Variants in ZNF718 observed in about 807,000 individuals in gnomAD.
The protein encoded by ZNF718 is zinc finger protein 718.
In ZNF718, 3 loss-of-function variants were observed where a neutral mutation model predicts 2.6. That is an observed-to-expected ratio of 1.16 (90% CI 0.53 to 3.01). The LOEUF (loss-of-function observed/expected upper bound fraction) is 3.01, where lower values mean the gene tolerates loss of function less well. ZNF718 is among the 30% of genes most tolerant of loss of function. The pLI is 0.03. For missense variants in ZNF718, 468 were observed against 230.0 expected, an observed-to-expected ratio of 2.03 and a Z score of -6.69; for synonymous variants, 135 against 77.9, an observed-to-expected ratio of 1.73 and a Z score of -3.86.
chr4:184,605 A>T (rs1717528280), intron 3 of ZNF718, among the ~76,000 whole-genome samples: 1 of 151,954 alleles, frequency 6.6e-6, no homozygotes, highest in Non-Finnish European at 1.5e-5. Context: ...TCTTCTTTGT[A>T]CCTCTGGTAG....
At chr4:133,979 A>G (rs1715443291) in intron 3 of ZNF718, among the ~76,000 whole-genome samples, 2 of 152,212 alleles carry the variant, frequency 1.3e-5, no homozygotes, top group Admixed American at 6.5e-5. Context: ...CAGTATTACT[A>G]ACTATAAATA....
At chr4:193,094 C>T (rs1205891601) in intron 3 of ZNF718, among the ~76,000 whole-genome samples, 2 of 152,108 alleles carry the variant, frequency 1.3e-5, no homozygotes, top group Non-Finnish European at 2.9e-5. Flanking sequence ...TGTGAGGTTC[C>T]CCATTCTATT....
intron 3 of ZNF718, chr4:142,092 A>T: frequency 1.9e-6 from 1 of 519,432 alleles, no homozygotes; most frequent in South Asian, 1.4e-5. Flanking sequence ...CTTTAGGTTA[A>T]CGGGTTTTGA....
intron 3 of ZNF718, among the ~76,000 whole-genome samples, chr4:184,298 G>A (rs782087796): frequency 1.8e-4 from 28 of 152,228 alleles, no homozygotes; most frequent in Non-Finnish European, 3.5e-4. Flanking sequence ...GTGTTTATGT[G>A]ATGAACCACA....
chr4:192,227 A>G (rs1553821343), intron 3 of ZNF718, among the ~76,000 whole-genome samples: 1 of 152,086 alleles, frequency 6.6e-6, no homozygotes. Context: ...TGCAGTTGCA[A>G]ATTTAATAGA....
chr4:150,792 A>G (rs1716281656), intron 3 of ZNF718, among the ~76,000 whole-genome samples: 2 of 152,202 alleles, frequency 1.3e-5, no homozygotes, highest in South Asian at 4.1e-4. Context: ...CTCCAGCAAT[A>G]GTGTTTAATT....
At chr4:150,994 G>A (rs1276255977) in intron 3 of ZNF718, among the ~76,000 whole-genome samples, 2 of 152,086 alleles carry the variant, frequency 1.3e-5, no homozygotes, top group Non-Finnish European at 2.9e-5. Flanking sequence ...ATGTTATCCT[G>A]TGATACTTTT....
intron 3 of ZNF718, among the ~76,000 whole-genome samples, chr4:184,586 G>A (rs1465728835): frequency 2.0e-5 from 3 of 152,206 alleles, no homozygotes; most frequent in South Asian, 2.1e-4. Context: ...CAGTAAGAAC[G>A]CTACCAGCTC....
chr4:173,901 C>T (rs143786928), intron 3 of ZNF718, among the ~76,000 whole-genome samples: 77 of 152,238 alleles, frequency 5.1e-4, no homozygotes, highest in East Asian at 3.9e-3. Context: ...AGAATGCAGC[C>T]GTGAATAGCC....
chr4:130,791 C>T lies in ZNF718; in HGVS notation c.7C>T (p.Leu3Phe). Residue 3 changes from leucine (L) to phenylalanine (F), a missense_variant, in exon 2 of 4, where the codon CTC becomes TTC. Transcript: ENST00000510175. ME[L>F]LTFKDVAIEF... The stretch of plus-strand genomic sequence containing the variant: ...CTTGATAAATGTGTATTTTCAGGAA[C>T]TCTTAACATTCAAGGATGTGGCCAT... 1 of 370,550 alleles carries T rather than the reference C, an allele frequency of 2.7e-6. No individual in the cohort carries two copies. Among genetic ancestry groups the T allele is most frequent in the Non-Finnish European group, 4.8e-6 (1 of 208,632 alleles). 23.0% of individuals were successfully genotyped at this position (370,550 alleles called of 1,614,324 possible). A position where few individuals can be genotyped will look rare whatever the true frequency, so the allele number is the denominator to read the frequency against.
At chr4:191,303 G>C (rs116070887) in intron 3 of ZNF718, among the ~76,000 whole-genome samples, 6,440 of 151,374 alleles carry the variant, frequency 0.043, 354 homozygotes, top group African/African-American at 0.13. Context: ...CACACACCAC[G>C]ACACCTGGCT....
intron 3 of ZNF718, among the ~76,000 whole-genome samples, chr4:197,570 A>G (rs1164480137): frequency 6.6e-6 from 1 of 152,128 alleles, no homozygotes; most frequent in Non-Finnish European, 1.5e-5. Context: ...CAAGGAAGAG[A>G]ATGATGCCTA....
rs368389374 is a variant in ZNF718, at chr4:161,900, A to T, written c.1215A>T (p.Lys405Asn). The change falls in exon 4 of 4, where the codon AAA becomes AAT. Residue 405 changes from lysine (K) to asparagine (N), a missense_variant. Coordinates refer to ENST00000510175, the MANE Select transcript of ZNF718 (RefSeq NM_001039127.6). Reference sequence around the variant, plus strand: ...GTGAAGATTGTGGCAAAGCCTTTAAAGTGTTTGCAAACCTGCATAATCATA... The same window carrying T: ...GTGAAGATTGTGGCAAAGCCTTTAATGTGTTTGCAAACCTGCATAATCATA... ...YKCEDCGKAF[K>N]VFANLHNHKK... The T allele has an allele frequency of 7.2e-5, 56 of 780,000 alleles. No homozygotes were observed. Among genetic ancestry groups the T allele is most frequent in the Middle Eastern group, 2.2e-4 (1 of 4,458 alleles). The allele number at this position is 780,000 out of a possible 1,614,324, so 48.3% of individuals were successfully genotyped here. A position where few individuals can be genotyped will look rare whatever the true frequency, so the allele number is the denominator to read the frequency against.
intron 3 of ZNF718, among the ~76,000 whole-genome samples, chr4:174,164 TC>T (rs782463822): frequency 1.3e-5 from 2 of 152,210 alleles, no homozygotes; most frequent in East Asian, 3.9e-4. Context: ...AGCTCATTCT[TC>T]CCCGAAGCTT....
downstream of ZNF718, among the ~76,000 whole-genome samples, chr4:166,297 C>G (rs1245630974): frequency 1.3e-5 from 2 of 152,166 alleles, no homozygotes; most frequent in African/African-American, 4.8e-5. Flanking sequence ...GTGAATAGTG[C>G]TGCGATAAAC....
chr4:141,831 A>C (rs1487733658), intron 3 of ZNF718, among the ~76,000 whole-genome samples: 1 of 152,226 alleles, frequency 6.6e-6, no homozygotes, highest in Non-Finnish European at 1.5e-5. Context: ...ATACAATACA[A>C]TTAAAGCTTC....
intron 3 of ZNF718, among the ~76,000 whole-genome samples, chr4:132,811 T>C (rs1160648278): frequency 0.29 from 30,105 of 102,436 alleles, 12,008 homozygotes; most frequent in East Asian, 0.82. Flanking sequence ...TTTCAAATTA[T>C]TTAAAGCATG....
At chr4:137,924 A>C (rs1715644399) in intron 3 of ZNF718, among the ~76,000 whole-genome samples, 1 of 152,206 alleles carries the variant, frequency 6.6e-6, no homozygotes, top group Non-Finnish European at 1.5e-5. Context: ...ATTTTCTTCC[A>C]AAAATTGTAG....
At chr4:160,630 G>T (rs530784526) in intron 3 of ZNF718, among the ~76,000 whole-genome samples, 4 of 152,068 alleles carry the variant, frequency 2.6e-5, no homozygotes, top group Non-Finnish European at 5.9e-5. Context: ...GCTGATGGAA[G>T]CCTCTACCTC....
Sources: allele counts gnomAD v4.1 joint callset (sites outside exome capture counted in the v4.1 genomes callset), GRCh38; gene constraint gnomAD v4.1.1; transcripts MANE v1.5; gene names NCBI Gene and HGNC (gene_info 2026-07-23, HGNC 2026-07-21).